COL15A1: variants seen among roughly 807,000 people sequenced by gnomAD.
COL15A1 encodes the protein collagen alpha-1(XV) chain.
A neutral mutation model predicts 165.9 loss-of-function variants in COL15A1; 111 were observed. That is an observed-to-expected ratio of 0.67 (90% CI 0.57 to 0.78). The LOEUF is 0.78. Ranked by LOEUF, COL15A1 falls within the 30% of genes least tolerant of loss-of-function variation. COL15A1 has a pLI of 0.00. For missense variants in COL15A1, 1,745 were observed against 1,789.7 expected, an observed-to-expected ratio of 0.98 and a Z score of 0.45; for synonymous variants, 659 against 674.8, an observed-to-expected ratio of 0.98 and a Z score of 0.36.
intron 11 of COL15A1, among the ~76,000 whole-genome samples, chr9:99,018,458 A>G (rs1485016492): frequency 2.6e-5 from 4 of 152,188 alleles, no homozygotes; most frequent in Non-Finnish European, 5.9e-5. Flanking sequence ...ATTAACAATC[A>G]TAAGAGCGCA....
chr9:98,971,792 G>A (rs1838059853), intron 2 of COL15A1, among the ~76,000 whole-genome samples: 1 of 152,192 alleles, frequency 6.6e-6, no homozygotes, highest in Non-Finnish European at 1.5e-5. Context: ...AGCAGAGCTG[G>A]GTCACAGGAT....
chr9:98,975,495 C>G (rs551099913), intron 2 of COL15A1, among the ~76,000 whole-genome samples: 6 of 152,298 alleles, frequency 3.9e-5, no homozygotes, highest in Middle Eastern at 3.4e-3. Context: ...CATCTCTGGC[C>G]AAATCGCTGT....
chr9:98,996,968 C>T lies in COL15A1; in HGVS notation c.839C>T (p.Pro280Leu), dbSNP rs149224510. 4.6e-5 allele frequency: 74 copies of T among 1,614,062 alleles called. No homozygotes were observed. The East Asian group carries it at 1.4e-3, about 30-fold the overall frequency. Reference protein sequence around the residue: ...KEAKVEPINTPPTPSSPFEDM... With the variant: ...KEAKVEPINTLPTPSSPFEDM... ...GCAAAAGTTGAACCCATAAACACAC[C>T]TCCAACTCCATCCTCCCCCTTTGAA... is the stretch of plus-strand genomic sequence containing the variant. The change falls in exon 6 of 42, where the codon CCT (proline) becomes CTT (leucine). Residue 280 changes from proline (P) to leucine (L), a missense_variant. Transcript: ENST00000375001.
intron 39 of COL15A1, among the ~76,000 whole-genome samples, chr9:99,066,604 T>TTTTTTTG (rs981161606): frequency 2.6e-5 from 3 of 115,436 alleles, no homozygotes; most frequent in African/African-American, 6.9e-5. Context: ...GTTCTGTTTT[T>TTTTTTTG]TTTTTTTTTT....
intron 2 of COL15A1, among the ~76,000 whole-genome samples, chr9:98,965,574 C>T (rs988369355): frequency 6.6e-6 from 1 of 152,218 alleles, no homozygotes; most frequent in Non-Finnish European, 1.5e-5. Flanking sequence ...ATGCTGGAGG[C>T]TATCTCGGGG....
At chr9:99,026,338 G>C (rs547829401) in intron 16 of COL15A1, among the ~76,000 whole-genome samples, 1 of 152,234 alleles carries the variant, frequency 6.6e-6, no homozygotes, top group South Asian at 2.1e-4. Context: ...CACTGAGCTG[G>C]ACTCATCTCT....
rs1355972708 is a variant in COL15A1, at chr9:99,058,699, T to C, written c.3338-1190T>C. On this transcript the variant is annotated intron_variant, in intron 35 of 41. Coordinates refer to ENST00000375001, the MANE Select transcript of COL15A1 (RefSeq NM_001855.5). ...GAGGAAGATAAAACAGATATTATTA[T>C]AAAATTCATCTCACGGATGAAGACA... Among the ~76,000 whole-genome samples the C allele has an allele frequency of 2.0e-5, 3 of 152,218 alleles. No individual in the cohort carries two copies. The East Asian group carries it at 5.8e-4, about 29-fold the overall frequency.
At chr9:99,049,211 G>C (rs1471149137) in intron 28 of COL15A1, among the ~76,000 whole-genome samples, 3 of 152,206 alleles carry the variant, frequency 2.0e-5, no homozygotes, top group Non-Finnish European at 4.4e-5. Context: ...CTTTGAAAAT[G>C]ACTGTGCTAT....
At chr9:99,066,607 T>TG (rs1554692272) in intron 39 of COL15A1, among the ~76,000 whole-genome samples, 4 of 126,434 alleles carry the variant, frequency 3.2e-5, no homozygotes, top group Admixed American at 8.5e-5. Context: ...CTGTTTTTTT[T>TG]TTTTTTTTTT....
chr9:98,989,013 G>A lies in COL15A1; in HGVS notation c.724-165G>A, dbSNP rs149493668. ...CACGCTGTCTCCTTAACCCCACTCCGTCTCTCATAGACACACACACACACA... is the reference window on the plus strand; with the variant it reads ...CACGCTGTCTCCTTAACCCCACTCCATCTCTCATAGACACACACACACACA... On this transcript the variant is annotated intron_variant, in intron 4 of 41. Coordinates refer to ENST00000375001, the MANE Select transcript of COL15A1 (RefSeq NM_001855.5). Among the ~76,000 whole-genome samples the A allele has an allele frequency of 7.3e-3, 940 of 127,958 alleles. 12 individuals carry two copies. Among genetic ancestry groups the A allele is most frequent in the African/African-American group, 0.028 (894 of 31,968 alleles). The allele number at this position is 127,958 out of a possible 152,430, so 83.9% of individuals were successfully genotyped here. A position where few individuals can be genotyped will look rare whatever the true frequency, so the allele number is the denominator to read the frequency against.
chr9:99,003,144 A>G (rs1197410379), intron 7 of COL15A1, among the ~76,000 whole-genome samples: 2 of 152,252 alleles, frequency 1.3e-5, no homozygotes, highest in Non-Finnish European at 2.9e-5. Context: ...GGATGGGTAC[A>G]TGGGGAGGTC....
intron 5 of COL15A1, among the ~76,000 whole-genome samples, chr9:98,995,322 G>C (rs1200851910): frequency 6.6e-6 from 1 of 152,108 alleles, no homozygotes; most frequent in Non-Finnish European, 1.5e-5. Flanking sequence ...TTCCTGTCTT[G>C]TGGACTTCTT....
chr9:98,997,210 G>T, intron 6 of COL15A1, 129 bp downstream of exon 6: 5 of 1,127,352 alleles, frequency 4.4e-6, no homozygotes, highest in Non-Finnish European at 6.2e-6. Flanking sequence ...GAAAGGGTGA[G>T]AACCACCCTC....
intron 2 of COL15A1, among the ~76,000 whole-genome samples, chr9:98,978,090 T>C (rs543287395): frequency 6.6e-6 from 1 of 152,332 alleles, no homozygotes; most frequent in South Asian, 2.1e-4. Context: ...CATCTGTTGC[T>C]TCCTGGCTGT....
intron 36 of COL15A1, among the ~76,000 whole-genome samples, chr9:99,061,013 C>T (rs773605804): frequency 2.6e-5 from 4 of 152,216 alleles, no homozygotes; most frequent in African/African-American, 9.6e-5. Context: ...CTGGCACATT[C>T]GTTACCCTGC....
In COL15A1 at chr9:99,066,599, G is replaced by GTTTTTTTTTTTTTTTTTTTTTTT. The variant is rs67961829; in HGVS notation, c.3652-280_3652-258dup. ...TTTGGTCCAAGCAATATTTTGTTCT[G>GTTTTTTTTTTTTTTTTTTTTTTT]TTTTTTTTTTTTTTTTTTTTTTTTT... On this transcript the variant is annotated intron_variant, in intron 39 of 41. Coordinates refer to ENST00000375001, the MANE Select transcript of COL15A1 (RefSeq NM_001855.5). Among the ~76,000 whole-genome samples, 46 of 71,032 alleles carry GTTTTTTTTTTTTTTTTTTTTTTT rather than the reference G, an allele frequency of 6.5e-4. 3 individuals carry two copies. Among genetic ancestry groups the GTTTTTTTTTTTTTTTTTTTTTTT allele is most frequent in the East Asian group, 1.8e-3 (5 of 2,726 alleles). The allele number at this position is 71,032 out of a possible 152,430, so 46.6% of individuals were successfully genotyped here. A position where few individuals can be genotyped will look rare whatever the true frequency, so the allele number is the denominator to read the frequency against.
At chr9:98,972,492 T>G (rs1195947469) in intron 2 of COL15A1, among the ~76,000 whole-genome samples, 1 of 152,230 alleles carries the variant, frequency 6.6e-6, no homozygotes, top group Non-Finnish European at 1.5e-5. Flanking sequence ...AACAGTAATT[T>G]AAGCCTCAGT....
Position 99,062,323 on chromosome 9 carries a change from G to T in COL15A1, c.3591+19G>T. On this transcript the variant is annotated intron_variant, in intron 38 of 41. Transcript: ENST00000375001. ...CAGCAACGTGAGTAGTTACCCTGTT[G>T]GACTGCTCATGCATTCATTTATCAG... 6.4e-7 allele frequency: 1 copy of T among 1,574,586 alleles called. No homozygotes were observed. The highest frequency in any genetic ancestry group is 8.7e-7 in the Non-Finnish European group (1 of 1,143,858).
chr9:99,000,936 C>G lies in COL15A1; in HGVS notation c.1050C>G (p.Asp350Glu), dbSNP rs777139348. 3 of 1,532,116 alleles carry G rather than the reference C, an allele frequency of 2.0e-6. No individual in the cohort carries two copies. In the South Asian group the frequency reaches 3.4e-5, roughly 17 times the overall value. The allele number at this position is 1,532,116 out of a possible 1,614,324, so 94.9% of individuals were successfully genotyped here. Residue 350 changes from aspartate (D) to glutamate (E), a missense_variant, in exon 7 of 42, where the codon GAC (aspartate) becomes GAG (glutamate). By Grantham distance (45) the Asp-to-Glu change is conservative. Transcript: ENST00000375001. ...DSGSGAGAFL[D>E]IAEEKNLAAT... Reference sequence around the variant, plus strand: ...GCTCAGGGGCTGGGGCCTTCCTTGACATTGCTGAAGAAAAGGTGAGTAGAT... The same window carrying G: ...GCTCAGGGGCTGGGGCCTTCCTTGAGATTGCTGAAGAAAAGGTGAGTAGAT...
Sources: allele counts gnomAD v4.1 joint callset (sites outside exome capture counted in the v4.1 genomes callset), GRCh38; gene constraint gnomAD v4.1.1; transcripts MANE v1.5; gene names NCBI Gene and HGNC (gene_info 2026-07-23, HGNC 2026-07-21).